Variants in MYO10 observed in about 807,000 individuals in gnomAD.
MYO10 encodes the protein myosin X, also known as unconventional myosin-X.
A neutral mutation model predicts 257.3 loss-of-function variants in MYO10; 133 were observed. The observed-to-expected ratio is 0.52, with a 90% CI of 0.45 to 0.60. The LOEUF (loss-of-function observed/expected upper bound fraction) is 0.60. Among genes scored for constraint, MYO10 ranks in the 20% least tolerant of loss-of-function variants. The probability of loss-of-function intolerance (pLI) is 0.00; values close to 1 mark genes in which losing one functional copy is unlikely to be tolerated. For synonymous variants in MYO10, 1,104 were observed against 1,028.6 expected (o/e 1.07, Z -1.40); for missense variants, 2,399 against 2,635.7 (o/e 0.91, Z 1.97).
chr5:16,703,424 T>C lies in MYO10; in HGVS notation c.2277-266A>G, dbSNP rs912160271. Reference sequence around the variant, plus strand: ...CATAACCCCTCATGTTGGCTTTAAGTAGTCTTGGCAGAAAGTTGGGTAAAT... The same window carrying C: ...CATAACCCCTCATGTTGGCTTTAAGCAGTCTTGGCAGAAAGTTGGGTAAAT... On this transcript the variant is annotated intron_variant, in intron 22 of 40. Transcript: ENST00000513610. Among the ~76,000 whole-genome samples the C allele has an allele frequency of 8.7e-4, 133 of 152,306 alleles. 1 individual carries two copies. Among genetic ancestry groups the C allele is most frequent in the African/African-American group, 3.2e-3 (132 of 41,582 alleles).
At chr5:16,755,495 G>A (rs1180925106) in intron 18 of MYO10, among the ~76,000 whole-genome samples, 1 of 152,172 alleles carries the variant, frequency 6.6e-6, no homozygotes, top group African/African-American at 2.4e-5. Context: ...AAACCATTCT[G>A]TCAACAAACA....
At chr5:16,902,464 C>G (rs1433834918) in intron 1 of MYO10, 13 of 1,443,182 alleles carry the variant, frequency 9.0e-6, no homozygotes, top group Non-Finnish European at 1.3e-5. Context: ...ACATAGGCAT[C>G]GAAGACGCTC....
intron 3 of MYO10, among the ~76,000 whole-genome samples, chr5:16,811,009 C>T (rs1373483684): frequency 6.9e-6 from 1 of 145,772 alleles, no homozygotes; most frequent in Non-Finnish European, 1.5e-5. Context: ...GCAGAGGTTG[C>T]AGTGAGCCGA....
At chr5:16,704,356 T>G (rs1182067299) in intron 22 of MYO10, among the ~76,000 whole-genome samples, 1 of 152,124 alleles carries the variant, frequency 6.6e-6, no homozygotes, top group Non-Finnish European at 1.5e-5. Flanking sequence ...TAGAGTTCCC[T>G]GCTGTCACTG....
chr5:16,910,622 C>T (rs1009695302), intron 1 of MYO10, among the ~76,000 whole-genome samples: 4 of 152,210 alleles, frequency 2.6e-5, no homozygotes, highest in Non-Finnish European at 5.9e-5. Flanking sequence ...TCAGTGCTCA[C>T]TAGGCATCCA....
At chr5:16,842,904 A>G (rs1189480089) in intron 2 of MYO10, among the ~76,000 whole-genome samples, 1 of 151,300 alleles carries the variant, frequency 6.6e-6, no homozygotes, top group Non-Finnish European at 1.5e-5. Flanking sequence ...TACTAAAAAA[A>G]AGAGAGAGAA....
chr5:16,861,772 C>T (rs925526296), intron 2 of MYO10, among the ~76,000 whole-genome samples: 5 of 152,108 alleles, frequency 3.3e-5, no homozygotes, highest in African/African-American at 4.8e-5. Context: ...AGTCTCACTC[C>T]GTCTTGGAGA....
At chr5:16,920,064 T>C (rs1024334353) in intron 1 of MYO10, among the ~76,000 whole-genome samples, 1 of 152,106 alleles carries the variant, frequency 6.6e-6, no homozygotes, top group Non-Finnish European at 1.5e-5. Context: ...TAAGCTGACA[T>C]TGTGCCACTG....
intron 4 of MYO10, among the ~76,000 whole-genome samples, chr5:16,792,157 A>AGAGAGAGAGAGAGAGG (rs1560987026): frequency 3.5e-5 from 5 of 144,372 alleles, no homozygotes; most frequent in African/African-American, 1.3e-4. Context: ...AGAGAGAGAG[A>AGAGAGAGAGAGAGAGG]GAGAGAGGGA....
intron 4 of MYO10, among the ~76,000 whole-genome samples, chr5:16,784,318 G>C (rs1215531395): frequency 6.6e-6 from 1 of 152,244 alleles, no homozygotes; most frequent in African/African-American, 2.4e-5. Flanking sequence ...TCAGAGGCAA[G>C]TGCAGGAGCT....
chr5:16,724,309 T>G (rs1739270375), intron 19 of MYO10, among the ~76,000 whole-genome samples: 1 of 152,172 alleles, frequency 6.6e-6, no homozygotes, highest in African/African-American at 2.4e-5. Context: ...ACATGTACAC[T>G]GGAATTAAAC....
chr5:16,904,822 G>C (rs541884888), intron 1 of MYO10, among the ~76,000 whole-genome samples: 1 of 152,046 alleles, frequency 6.6e-6, no homozygotes, highest in African/African-American at 2.4e-5. Context: ...CCAGCTACTC[G>C]GGAGCCTGAG....
intron 4 of MYO10, among the ~76,000 whole-genome samples, chr5:16,791,549 C>CACACACACACAT (rs1293743161): frequency 8.0e-4 from 54 of 67,260 alleles, no homozygotes; most frequent in Non-Finnish European, 1.1e-3. Flanking sequence ...CATACATACA[C>CACACACACACAT]ACACACACAC....
chr5:16,690,063 G>A (rs1340891126), intron 27 of MYO10, 144 bp from the exon 28 acceptor site: 11 of 643,362 alleles, frequency 1.7e-5, no homozygotes, highest in Middle Eastern at 2.5e-4. Context: ...CCATATCTGC[G>A]AGTTCAGGAT....
At chr5:16,881,459 C>T (rs1223278387) in intron 1 of MYO10, among the ~76,000 whole-genome samples, 1 of 152,138 alleles carries the variant, frequency 6.6e-6, no homozygotes, top group Non-Finnish European at 1.5e-5. Flanking sequence ...AGGTCTTCTC[C>T]AACAGGTGTG....
intron 26 of MYO10, among the ~76,000 whole-genome samples, chr5:16,698,181 G>A (rs1737848709): frequency 6.6e-6 from 1 of 152,110 alleles, no homozygotes; most frequent in Non-Finnish European, 1.5e-5. Context: ...GACCAGCCTG[G>A]GCAACATAGT....
chr5:16,867,469 G>A (rs1744312321), intron 2 of MYO10, among the ~76,000 whole-genome samples: 1 of 152,116 alleles, frequency 6.6e-6, no homozygotes, highest in Admixed American at 6.5e-5. Context: ...ACCAATAGGG[G>A]CAAAGGGAAG....
rs1208354593 is a variant in MYO10, at chr5:16,665,459, C to G, written c.*1233G>C. 1 of 152,110 alleles carries G rather than the reference C, an allele frequency of 6.6e-6. No homozygotes were observed. Among genetic ancestry groups the G allele is most frequent in the Non-Finnish European group, 1.5e-5 (1 of 68,018 alleles). 9.4% of individuals were successfully genotyped at this position (152,110 alleles called of 1,614,324 possible). ...CCATATAAAAATAAAAAGTCCAAGACCAGATTATTTTTCTTCTGGTCATAA... is the reference window on the plus strand; with the variant it reads ...CCATATAAAAATAAAAAGTCCAAGAGCAGATTATTTTTCTTCTGGTCATAA... On this transcript the variant is annotated 3_prime_UTR_variant, in exon 41 of 41. Coordinates refer to ENST00000513610, the MANE Select transcript of MYO10 (RefSeq NM_012334.3).
chr5:16,713,724 G>A (rs1401981627), intron 19 of MYO10, among the ~76,000 whole-genome samples: 4 of 152,176 alleles, frequency 2.6e-5, no homozygotes, highest in Non-Finnish European at 4.4e-5. Flanking sequence ...GATTTCCATT[G>A]GTGGTTTTCT....
Sources: allele counts gnomAD v4.1 joint callset (sites outside exome capture counted in the v4.1 genomes callset), GRCh38; gene constraint gnomAD v4.1.1; transcripts MANE v1.5; gene names NCBI Gene and HGNC (gene_info 2026-07-23, HGNC 2026-07-21).